IFT46: variants seen among roughly 807,000 people sequenced by gnomAD.
The protein encoded by IFT46 is intraflagellar transport 46.
IFT46 carries 19 observed loss-of-function variants against 39.6 expected under a neutral mutation model. The observed-to-expected ratio is 0.48, with a 90% CI of 0.33 to 0.70. IFT46 has a LOEUF of 0.70. Ranked by LOEUF, IFT46 falls within the 30% of genes least tolerant of loss-of-function variation. The probability of loss-of-function intolerance (pLI) is 0.01; values close to 1 mark genes in which losing one functional copy is unlikely to be tolerated. For synonymous variants in IFT46, 117 were observed against 134.8 expected, an observed-to-expected ratio of 0.87 and a Z score of 0.91; for missense variants, 334 against 364.8, an observed-to-expected ratio of 0.92 and a Z score of 0.69.
intron 11 of IFT46, 77 bp downstream of exon 11, chr11:118,545,332 A>G (rs1478199871): frequency 7.3e-6 from 8 of 1,100,572 alleles, no homozygotes; most frequent in African/African-American, 1.6e-5. Context: ...ATAGGATGCA[A>G]TCACAGCAGG....
chr11:118,565,719 G>C lies in IFT46; in HGVS notation c.-133+71C>G, dbSNP rs373006685. The C allele has an allele frequency of 3.3e-5, 5 of 152,790 alleles. No homozygotes were observed. In the East Asian group the frequency reaches 9.6e-4, roughly 29 times the overall value. The allele number at this position is 152,790 out of a possible 1,614,324, so 9.5% of individuals were successfully genotyped here. The stretch of plus-strand genomic sequence containing the variant: ...AGATTGGAAGAGGTAACCGGGAATG[G>C]GGTAAAGGGGAGTCCTCTTAAGCCT... On this transcript the variant is annotated intron_variant, in intron 1 of 11. Coordinates refer to ENST00000264021, the MANE Select transcript of IFT46 (RefSeq NM_001168618.2).
intron 9 of IFT46, among the ~76,000 whole-genome samples, chr11:118,550,955 G>C (rs1157480392): frequency 6.6e-6 from 1 of 151,494 alleles, no homozygotes; most frequent in African/African-American, 2.4e-5. Context: ...TGAACCTGCG[G>C]GGGGTACGGA....
intron 9 of IFT46, among the ~76,000 whole-genome samples, chr11:118,548,458 G>A (rs1167260969): frequency 2.0e-5 from 3 of 148,372 alleles, no homozygotes; most frequent in Non-Finnish European, 3.0e-5. Context: ...TCCGCCTCCC[G>A]GGTTCAAGCG....
chr11:118,547,748 T>TC (rs1165184680), intron 9 of IFT46, among the ~76,000 whole-genome samples: 7 of 142,960 alleles, frequency 4.9e-5, no homozygotes, highest in African/African-American at 7.8e-5. Context: ...TCTTTTCTTT[T>TC]TTTTTTTTTT....
chr11:118,554,985 T>C lies in IFT46; in HGVS notation c.354+5A>G. The C allele has an allele frequency of 6.3e-7, 1 of 1,594,568 alleles. No individual in the cohort carries two copies. The highest frequency in any genetic ancestry group is 8.6e-7 in the Non-Finnish European group (1 of 1,162,052). ...GGAGTCATTTTCAGGATGTACTGAC[T>C]ATACCTTTAAGAATGCATCAATATC... On this transcript the variant is annotated splice_donor_5th_base_variant and intron_variant, in intron 6 of 11. Coordinates refer to ENST00000264021, the MANE Select transcript of IFT46 (RefSeq NM_001168618.2).
intron 2 of IFT46, chr11:118,560,764 G>A (rs1301954255): frequency 2.3e-5 from 16 of 705,996 alleles, no homozygotes; most frequent in Non-Finnish European, 3.9e-5. Context: ...GACGACGAGA[G>A]GGTAAAACTG....
upstream of IFT46, among the ~76,000 whole-genome samples, chr11:118,569,279 CAA>C (rs1170322560): frequency 1.4e-5 from 2 of 144,266 alleles, no homozygotes; most frequent in African/African-American, 2.5e-5. Context: ...AACTCCTTCT[CAA>C]AAAAAAAAAA....
chr11:118,575,089 C>T (rs1332187268), upstream of IFT46, among the ~76,000 whole-genome samples: 6 of 152,214 alleles, frequency 3.9e-5, no homozygotes, highest in Non-Finnish European at 7.3e-5. Flanking sequence ...AGCTATCCTC[C>T]TGCCTCAGCC....
chr11:118,560,245 T>TAA, intron 2 of IFT46: 2 of 162,992 alleles, frequency 1.2e-5, no homozygotes, highest in Admixed American at 6.3e-5. Flanking sequence ...AGATCCCATC[T>TAA]ACAAAAAAAA....
chr11:118,566,662 C>T (rs1938234156), upstream of IFT46, among the ~76,000 whole-genome samples: 2 of 152,372 alleles, frequency 1.3e-5, no homozygotes, highest in South Asian at 4.1e-4. Flanking sequence ...CACTGCACTC[C>T]AGCCTGGGCA....
chr11:118,547,744 CTTTTTTTTTT>C (rs1233612951), intron 9 of IFT46, among the ~76,000 whole-genome samples: 4 of 91,176 alleles, frequency 4.4e-5, no homozygotes, highest in Non-Finnish European at 6.8e-5. Context: ...CTTTTCTTTT[CTTTTTTTTTT>C]TTTTTTTTTT....
rs148209505 is a variant in IFT46 at position 118,547,089 on chromosome 11, G to A, written c.673-1236C>T. ...TAGTATTTCACTGAATGGATGTACTGCAACCTAGCTATTCAATCCCCTAAT... is the reference window on the plus strand; with the variant it reads ...TAGTATTTCACTGAATGGATGTACTACAACCTAGCTATTCAATCCCCTAAT... On this transcript the variant is annotated intron_variant, in intron 9 of 11. Coordinates refer to ENST00000264021, the MANE Select transcript of IFT46 (RefSeq NM_001168618.2). 3.3e-5 allele frequency: 5 copies of A among 152,284 alleles called. No individual in the cohort carries two copies. In the East Asian group the frequency reaches 9.6e-4, roughly 29 times the overall value. 9.4% of individuals were successfully genotyped at this position (152,284 alleles called of 1,614,324 possible).
In IFT46 at chr11:118,554,991, T is replaced by C. The variant is rs1555069186; in HGVS notation, c.353A>G (p.Lys118Arg). 6.2e-7 allele frequency: 1 copy of C among 1,604,610 alleles called. No homozygotes were observed. Among genetic ancestry groups the C allele is most frequent in the Non-Finnish European group, 8.5e-7 (1 of 1,171,326 alleles). Reference sequence around the variant, plus strand: ...ATTTTCAGGATGTACTGACTATACCTTTAAGAATGCATCAATATCCCCGAC... The same window carrying C: ...ATTTTCAGGATGTACTGACTATACCCTTAAGAATGCATCAATATCCCCGAC... ...PAVGDIDAFL[K>R]VPRPDGKPDN... The change falls in exon 6 of 12, where the codon AAG (lysine) becomes AGG (arginine). Residue 118 changes from lysine to arginine, a missense_variant and splice_region_variant. By Grantham distance (26) the Lys-to-Arg change is conservative (BLOSUM62 2). Transcript: ENST00000264021.
chr11:118,574,485 C>T (rs1938435894), upstream of IFT46, among the ~76,000 whole-genome samples: 1 of 152,076 alleles, frequency 6.6e-6, no homozygotes, highest in Non-Finnish European at 1.5e-5. Context: ...CAACTAGATT[C>T]TATAACTAAC....
At chr11:118,572,760 G>T in exon 1 of IFT46, 1 of 510,946 alleles carries the variant, frequency 2.0e-6, no homozygotes, top group Non-Finnish European at 3.5e-6. Flanking sequence ...CGTCGTGCCC[G>T]CTTCCGCACC....
upstream of IFT46, among the ~76,000 whole-genome samples, chr11:118,574,004 G>A (rs141679097): frequency 4.6e-5 from 7 of 152,136 alleles, no homozygotes; most frequent in East Asian, 1.9e-4. Context: ...CCAGATAAAG[G>A]TAATCTTTCT....
At position 118,544,946 on chromosome 11, in the gene IFT46, A is replaced by C. The variant is rs1565342007; in HGVS notation, c.885T>G (p.Ala295=). ...TGAAGGTTAATGTCTCCATGTCTCC[A>C]GCTTGGGAGGTGGAATTGGATGAAG... The part of the protein sequence containing the change: ...FTPSSNSTSQ[A]GDMETLTFS Residue 295 remains alanine (A), a synonymous_variant, in exon 12 of 12, where the codon GCT becomes GCG. Transcript: ENST00000264021. The C allele has an allele frequency of 6.2e-7, 1 of 1,613,828 alleles. No homozygotes were observed. Among genetic ancestry groups the C allele is most frequent in the Non-Finnish European group, 8.5e-7 (1 of 1,179,836 alleles).
upstream of IFT46, among the ~76,000 whole-genome samples, chr11:118,574,235 CT>C (rs1340145609): frequency 6.6e-6 from 1 of 152,126 alleles, no homozygotes; most frequent in African/African-American, 2.4e-5. Flanking sequence ...AACAATTTAT[CT>C]CAGTACATTC....
intron 6 of IFT46, 25 bp downstream of exon 6, chr11:118,554,965 C>A: frequency 1.3e-6 from 2 of 1,515,260 alleles, no homozygotes; most frequent in South Asian, 2.2e-5. Context: ...CTTAAGGAGT[C>A]ATTTTCAGGA....
Sources: gnomAD v4.1 joint callset for allele counts (sites outside exome capture counted in the v4.1 genomes callset) on GRCh38, gnomAD v4.1.1 for gene constraint, MANE v1.5 for transcripts, NCBI Gene and HGNC (gene_info 2026-07-23, HGNC 2026-07-21) for gene names.